Variants in ADGRB1 observed in about 807,000 individuals in gnomAD.
ADGRB1 encodes adhesion G protein-coupled receptor B1, also known as brain-specific angiogenesis inhibitor 1.
A neutral mutation model predicts 175.7 loss-of-function variants in ADGRB1; 36 were observed. That is an observed-to-expected ratio of 0.20 (90% CI 0.16 to 0.27). The LOEUF (loss-of-function observed/expected upper bound fraction) is 0.27. Among genes scored for constraint, ADGRB1 ranks in the 10% least tolerant of loss-of-function variants. ADGRB1 has a pLI of 1.00. For synonymous variants in ADGRB1, 1,054 were observed against 979.4 expected, an observed-to-expected ratio of 1.08 and a Z score of -1.42; for missense variants, 1,731 against 2,255.3, an observed-to-expected ratio of 0.77 and a Z score of 4.71.
In ADGRB1 at chr8:142,542,667, G is replaced by A. The variant is rs183954098; in HGVS notation, c.4413+20G>A. 3,155 of 1,530,380 alleles carry A rather than the reference G, an allele frequency of 2.1e-3. 57 individuals carry two copies. In the African/African-American group the frequency reaches 0.04, roughly 20 times the overall value. 94.8% of individuals were successfully genotyped at this position (1,530,380 alleles called of 1,614,324 possible). Reference sequence around the variant, plus strand: ...CTGGAGGTGAGGGGGGCAGGGGTGGGCCACACCCCAGCCAGCGAGGGCAGG... The same window carrying A: ...CTGGAGGTGAGGGGGGCAGGGGTGGACCACACCCCAGCCAGCGAGGGCAGG... On this transcript the variant is annotated intron_variant, in intron 28 of 30. Transcript: ENST00000517894. The surrounding 1 kb of genome is among the most constrained non-coding windows in gnomAD (Gnocchi z 6.3).
In ADGRB1 at chr8:142,514,239, A is replaced by C. The variant is rs536504931; in HGVS notation, c.2817+3166A>C. ...GCCTGAGATGGTGGTAGAGGCGGGTACGTGGGCACCCCGGGAGCCAGGGTG... is the reference window on the plus strand; with the variant it reads ...GCCTGAGATGGTGGTAGAGGCGGGTCCGTGGGCACCCCGGGAGCCAGGGTG... On this transcript the variant is annotated intron_variant, in intron 18 of 30. Coordinates refer to ENST00000517894, the MANE Select transcript of ADGRB1 (RefSeq NM_001702.3). Among the ~76,000 whole-genome samples, 262 of 152,010 alleles carry C rather than the reference A, an allele frequency of 1.7e-3. 3 individuals carry two copies. The highest frequency in any genetic ancestry group is 5.7e-3 in the African/African-American group (237 of 41,444).
intron 25 of ADGRB1, 22 bp downstream of exon 25, chr8:142,533,488 G>A (rs748994465): frequency 2.3e-5 from 36 of 1,573,062 alleles, no homozygotes; most frequent in Middle Eastern, 1.7e-4. Flanking sequence ...AGCCTCTGTC[G>A]GGCCGGGCTC....
At chr8:142,540,645 G>GC (rs1006872948) in intron 27 of ADGRB1, among the ~76,000 whole-genome samples, 10 of 152,300 alleles carry the variant, frequency 6.6e-5, no homozygotes, top group Admixed American at 1.3e-4. Context: ...CGTGCCAGGC[G>GC]CTCGTTCTGC....
rs777980748 is a variant in ADGRB1 at position 142,543,466 on chromosome 8, A to G, written c.4449+28A>G. 5 of 1,613,286 alleles carry G rather than the reference A, an allele frequency of 3.1e-6. No individual in the cohort carries two copies. Among genetic ancestry groups the G allele is most frequent in the Non-Finnish European group, 4.2e-6 (5 of 1,179,620 alleles). On this transcript the variant is annotated intron_variant, in intron 29 of 30. Coordinates refer to ENST00000517894, the MANE Select transcript of ADGRB1 (RefSeq NM_001702.3). This position sits in a 1 kb window ranked among gnomAD's most constrained non-coding sequence, Gnocchi z 4.4. ...GAGTTCTGGTGTCCCCCCCCACCAG[A>G]CACTTAGGGCCAGATGTGCTCTGGG...
At chr8:142,538,892 C>T (rs1048963181) in intron 26 of ADGRB1, among the ~76,000 whole-genome samples, 23 of 152,156 alleles carry the variant, frequency 1.5e-4, no homozygotes, top group Admixed American at 5.2e-4. Flanking sequence ...TTCCTGAGGC[C>T]TGGGGGGAGA....
intron 15 of ADGRB1, 92 bp downstream of exon 15, chr8:142,489,202 G>A (rs891044222): frequency 1.3e-6 from 2 of 1,543,942 alleles, no homozygotes; most frequent in Middle Eastern, 1.8e-4. Context: ...AGGCCAGGGG[G>A]CCTGGAGGAG....
chr8:142,456,104 G>A (rs991415644), intron 1 of ADGRB1, among the ~76,000 whole-genome samples: 1 of 152,066 alleles, frequency 6.6e-6, no homozygotes, highest in African/African-American at 2.4e-5. Flanking sequence ...GCGATTCAGG[G>A]AGGAGGAGAA....
intron 1 of ADGRB1, among the ~76,000 whole-genome samples, chr8:142,457,428 C>T (rs753431018): frequency 1.3e-5 from 2 of 152,212 alleles, no homozygotes; most frequent in African/African-American, 4.8e-5. Context: ...TTTCTCTCCC[C>T]GCCAGCAGCT....
chr8:142,531,427 C>T (rs1283420931), intron 24 of ADGRB1, among the ~76,000 whole-genome samples: 1 of 152,170 alleles, frequency 6.6e-6, no homozygotes, highest in Non-Finnish European at 1.5e-5. Context: ...GGAGGCCTCT[C>T]CGGACGCCTG....
At chr8:142,490,901 A>C in intron 17 of ADGRB1, 86 bp downstream of exon 17, 1 of 1,489,940 alleles carries the variant, frequency 6.7e-7, no homozygotes, top group Non-Finnish European at 9.1e-7. Context: ...TGCAGGTTTC[A>C]GGTCTTGTCC....
Position 142,542,080 on chromosome 8 carries a change from C to T in ADGRB1, c.3846C>T (p.Asn1282=), listed in dbSNP as rs781450149. Residue 1282 remains asparagine (N), a synonymous_variant, in exon 28 of 31, where the codon AAC becomes AAT. Transcript: ENST00000517894. This position sits in a 1 kb window ranked among gnomAD's most constrained non-coding sequence, Gnocchi z 6.3. ...CCAATTTCAACAGCCTGCCGGCCAACGTGTCCAAGCTGCACCTGCACGGCT... is the reference window on the plus strand; with the variant it reads ...CCAATTTCAACAGCCTGCCGGCCAATGTGTCCAAGCTGCACCTGCACGGCT... ...PPTNFNSLPA[N]VSKLHLHGSP... 1.7e-5 allele frequency: 27 copies of T among 1,613,206 alleles called. No individual in the cohort carries two copies. The South Asian group carries it at 2.0e-4, about 12-fold the overall frequency.
chr8:142,533,518 C>A, intron 25 of ADGRB1, 52 bp downstream of exon 25: 1 of 1,521,422 alleles, frequency 6.6e-7, no homozygotes, highest in Non-Finnish European at 8.9e-7. Flanking sequence ...CCTGGGGCTG[C>A]CGAGTGGCCT....
At chr8:142,475,931 G>C (rs183128343) in intron 3 of ADGRB1, among the ~76,000 whole-genome samples, 89 of 152,346 alleles carry the variant, frequency 5.8e-4, no homozygotes, top group African/African-American at 2.0e-3. Context: ...CTAGCCGGGG[G>C]AGCAGAGGTG....
intron 24 of ADGRB1, among the ~76,000 whole-genome samples, chr8:142,532,172 G>A (rs984122914): frequency 1.3e-5 from 2 of 152,182 alleles, no homozygotes; most frequent in Non-Finnish European, 2.9e-5. Context: ...GCTGGCGCCA[G>A]CACCCATTCC....
chr8:142,464,085 C>CCCACCCA lies in ADGRB1; in HGVS notation c.-114_-113insCCACCCA. On this transcript the variant is annotated 5_prime_UTR_variant, in exon 2 of 31. Transcript: ENST00000517894. ...GCCCTCTCCCATCCCACCCTTGCCC[C>CCCACCCA]GCCTCCCTGCCCCCACCGGGCCGGC... The CCCACCCA allele has an allele frequency of 1.3e-6, 1 of 769,414 alleles. No individual in the cohort carries two copies. The highest frequency in any genetic ancestry group is 1.9e-5 in the African/African-American group (1 of 53,986). 47.7% of individuals were successfully genotyped at this position (769,414 alleles called of 1,614,324 possible). A position where few individuals can be genotyped will look rare whatever the true frequency, so the allele number is the denominator to read the frequency against.
intron 24 of ADGRB1, among the ~76,000 whole-genome samples, chr8:142,528,738 C>A (rs1234054272): frequency 6.6e-6 from 1 of 152,180 alleles, no homozygotes; most frequent in African/African-American, 2.4e-5. Context: ...TCTTTCATTT[C>A]TTCCTTTTCT....
chr8:142,465,097 A>G (rs1321428619), intron 2 of ADGRB1, 115 bp downstream of exon 2: 2 of 215,932 alleles, frequency 9.3e-6, no homozygotes, highest in Admixed American at 7.4e-5. Context: ...GTGGGCGGGC[A>G]GGCGGAGGTG....
intron 25 of ADGRB1, among the ~76,000 whole-genome samples, chr8:142,535,974 G>T (rs1173900205): frequency 6.6e-6 from 1 of 152,130 alleles, no homozygotes; most frequent in Non-Finnish European, 1.5e-5. Context: ...CAATTCTCTC[G>T]CCCGCTTTGG....
chr8:142,470,661 G>A (rs1231068961), intron 2 of ADGRB1, among the ~76,000 whole-genome samples: 1 of 152,182 alleles, frequency 6.6e-6, no homozygotes, highest in Non-Finnish European at 1.5e-5. Flanking sequence ...GGTATGGGAG[G>A]CTGGGCTGGA....
Sources: allele counts gnomAD v4.1 joint callset (sites outside exome capture counted in the v4.1 genomes callset), GRCh38; gene constraint gnomAD v4.1.1; non-coding constraint Gnocchi (gnomAD v3.1); transcripts MANE v1.5; gene names NCBI Gene and HGNC (gene_info 2026-07-23, HGNC 2026-07-21).